Variants in ARB2A observed in about 807,000 individuals in gnomAD.
The protein encoded by ARB2A is ARB2 cotranscriptional regulator A.
the ARB2A span, among the ~76,000 whole-genome samples, chr5:93,647,855 A>G: frequency 1.3e-5 from 2 of 152,154 alleles, no homozygotes; most frequent in Non-Finnish European, 2.9e-5. Context: ...ATTAAGATTT[A>G]ATAGATGCCA....
the ARB2A span, among the ~76,000 whole-genome samples, chr5:93,963,230 AG>A: frequency 6.6e-6 from 1 of 152,030 alleles, no homozygotes; most frequent in Non-Finnish European, 1.5e-5. Context: ...CTAGGCCTAA[AG>A]TCAAAACTAA....
the ARB2A span, among the ~76,000 whole-genome samples, chr5:94,035,030 A>G: frequency 2.0e-5 from 3 of 152,072 alleles, no homozygotes; most frequent in Admixed American, 6.6e-5. Flanking sequence ...CCCCCAGTCC[A>G]TGGAGAAACT....
the ARB2A span, among the ~76,000 whole-genome samples, chr5:93,762,142 T>C: frequency 6.6e-6 from 1 of 152,098 alleles, no homozygotes; most frequent in African/African-American, 2.4e-5. Context: ...AAAATCAGAG[T>C]GCCTCTCCTC....
the ARB2A span, among the ~76,000 whole-genome samples, chr5:94,077,578 C>T: frequency 6.6e-6 from 1 of 152,008 alleles, no homozygotes; most frequent in Non-Finnish European, 1.5e-5. Context: ...TTTAGTTTTC[C>T]TAATAAAAAT....
chr5:93,929,594 A>G, the ARB2A span, among the ~76,000 whole-genome samples: 3 of 152,320 alleles, frequency 2.0e-5, no homozygotes, highest in Admixed American at 2.0e-4. Flanking sequence ...AAAGCAACAT[A>G]AAATTTCATT....
At chr5:93,721,202 T>A in the ARB2A span, among the ~76,000 whole-genome samples, 1 of 152,156 alleles carries the variant, frequency 6.6e-6, no homozygotes, top group Non-Finnish European at 1.5e-5. Flanking sequence ...GAGGCAGCTC[T>A]GTAAGATGAA....
the ARB2A span, among the ~76,000 whole-genome samples, chr5:94,082,367 G>A: frequency 6.6e-6 from 1 of 152,056 alleles, no homozygotes; most frequent in Non-Finnish European, 1.5e-5. Context: ...TATCATAATT[G>A]ATCCCAGACA....
At chr5:93,770,300 C>A in the ARB2A span, among the ~76,000 whole-genome samples, 1 of 152,128 alleles carries the variant, frequency 6.6e-6, no homozygotes, top group South Asian at 2.1e-4. Context: ...ATTGATGGGA[C>A]GTATCTCAAA....
chr5:93,911,479 A>G, the ARB2A span, among the ~76,000 whole-genome samples: 2 of 151,838 alleles, frequency 1.3e-5, no homozygotes, highest in Non-Finnish European at 3.0e-5. Flanking sequence ...TTGGAAATCT[A>G]TGAAGAAGTA....
chr5:93,882,080 A>G, the ARB2A span, among the ~76,000 whole-genome samples: 1 of 151,462 alleles, frequency 6.6e-6, no homozygotes, highest in South Asian at 2.1e-4. Context: ...AACCTCTGAA[A>G]TCAAAGTTTA....
At chr5:93,859,861 T>C in the ARB2A span, among the ~76,000 whole-genome samples, 1 of 152,204 alleles carries the variant, frequency 6.6e-6, no homozygotes, top group Non-Finnish European at 1.5e-5. Flanking sequence ...GTATGGGTGA[T>C]CAGAATAAAT....
At chr5:93,978,877 G>A in the ARB2A span, among the ~76,000 whole-genome samples, 1 of 152,180 alleles carries the variant, frequency 6.6e-6, no homozygotes, top group Non-Finnish European at 1.5e-5. Flanking sequence ...GTTGAGGGTG[G>A]AATGAAGAGA....
At chr5:93,769,158 A>T in the ARB2A span, among the ~76,000 whole-genome samples, 1 of 152,302 alleles carries the variant, frequency 6.6e-6, no homozygotes, top group Non-Finnish European at 1.5e-5. Flanking sequence ...AAACTACAGT[A>T]TTAAATAAGC....
chr5:93,658,739 T>TA, the ARB2A span, among the ~76,000 whole-genome samples: 1 of 152,136 alleles, frequency 6.6e-6, no homozygotes, highest in Non-Finnish European at 1.5e-5. Context: ...TGTCAGCCAC[T>TA]TATCTCCTTT....
chr5:93,865,916 G>A, the ARB2A span: 8 of 985,276 alleles, frequency 8.1e-6, no homozygotes, highest in Non-Finnish European at 9.6e-6. Context: ...CGCTATGAGG[G>A]CTGCCCCATA....
chr5:94,029,711 T>C, the ARB2A span, among the ~76,000 whole-genome samples: 29 of 152,330 alleles, frequency 1.9e-4, no homozygotes, highest in Middle Eastern at 0.014. Flanking sequence ...ACAATTCCAA[T>C]AAACCTTGAG....
the ARB2A span, among the ~76,000 whole-genome samples, chr5:93,968,048 G>A: frequency 6.6e-6 from 1 of 152,032 alleles, no homozygotes; most frequent in Admixed American, 6.6e-5. Context: ...TGCAGCTAAA[G>A]CAAACAATAA....
the ARB2A span, among the ~76,000 whole-genome samples, chr5:94,101,855 A>C: frequency 2.0e-5 from 3 of 151,996 alleles, no homozygotes; most frequent in Non-Finnish European, 4.4e-5. Flanking sequence ...TGAGCTTGAT[A>C]CCTGGGTGAT....
the ARB2A span, among the ~76,000 whole-genome samples, chr5:93,749,050 T>C: frequency 1.3e-5 from 2 of 151,976 alleles, no homozygotes; most frequent in African/African-American, 4.8e-5. Context: ...TTTTTTTTTT[T>C]GTCTTGCTTT....
Sources: gnomAD v4.1 joint callset for allele counts (sites outside exome capture counted in the v4.1 genomes callset) on GRCh38, gnomAD v4.1.1 for gene constraint, MANE v1.5 for transcripts, NCBI Gene and HGNC (gene_info 2026-07-23, HGNC 2026-07-21) for gene names.